The following PIP4P1 variants were observed in gnomAD, a reference collection of about 807,000 sequenced individuals.
PIP4P1 encodes the protein type 1 phosphatidylinositol 4,5-bisphosphate 4-phosphatase.
A neutral mutation model predicts 32.3 loss-of-function variants in PIP4P1; 14 were observed. That is an observed-to-expected ratio of 0.43 (90% CI 0.29 to 0.68). The LOEUF (loss-of-function observed/expected upper bound fraction) is 0.68, where lower values mean the gene tolerates loss of function less well. Ranked by LOEUF, PIP4P1 falls within the 30% of genes least tolerant of loss-of-function variation. The pLI, the probability that PIP4P1 is intolerant of heterozygous loss-of-function variation, is 0.15. For missense variants in PIP4P1, 289 were observed against 364.5 expected (o/e 0.79, Z 1.69); for synonymous variants, 132 against 137.9 (o/e 0.96, Z 0.30).
chr14:20,458,431 A>G lies in PIP4P1; in HGVS notation c.*128T>C. 1 of 1,369,388 alleles carries G rather than the reference A, an allele frequency of 7.3e-7. No homozygotes were observed. The highest frequency in any genetic ancestry group is 1.0e-6 in the Non-Finnish European group (1 of 986,302). The allele number at this position is 1,369,388 out of a possible 1,614,324, so 84.8% of individuals were successfully genotyped here. ...GCCTGGTTCCTTCCTACCTCTCCCC[A>G]GGGAAAAGGAAGGCAGCTGCTTGGC... On this transcript the variant is annotated 3_prime_UTR_variant, in exon 7 of 7. Transcript: ENST00000250489.
Position 20,461,300 on chromosome 14 carries a change from G to A in PIP4P1, c.26C>T (p.Pro9Leu). ...ACCGTCGATGGGCTCAGACAGCAGC[G>A]GGGAACGCTCTCCATCTGCCGCCAT... Reference protein sequence around the residue: MAADGERSPLLSEPIDGGA... With the variant: MAADGERSLLLSEPIDGGA... Residue 9 changes from proline to leucine, a missense_variant, in exon 1 of 7, where the codon CCG (proline) becomes CTG (leucine). Transcript: ENST00000250489. 1.5e-6 allele frequency: 2 copies of A among 1,291,356 alleles called. No homozygotes were observed. The highest frequency in any genetic ancestry group is 2.0e-6 in the Non-Finnish European group (2 of 1,018,420). The allele number at this position is 1,291,356 out of a possible 1,614,324, so 80.0% of individuals were successfully genotyped here.
chr14:20,461,200 T>C lies in PIP4P1; in HGVS notation c.126A>G (p.Ala42=). ...CATGTTTACCGGCTCCGTACGGTGG[T>C]GCGGAGGGGGTCAGGCCTCCCCCGG... The part of the protein sequence containing the change: ...AGPGGGLTPS[A]PPYGAAFPPF... Residue 42 remains alanine, a synonymous_variant, in exon 1 of 7, where the codon GCA becomes GCG. Transcript: ENST00000250489. 8.0e-7 allele frequency: 1 copy of C among 1,256,330 alleles called. No individual in the cohort carries two copies. The highest frequency in any genetic ancestry group is 3.1e-5 in the East Asian group (1 of 31,912). The allele number at this position is 1,256,330 out of a possible 1,614,324, so 77.8% of individuals were successfully genotyped here. A position where few individuals can be genotyped will look rare whatever the true frequency, so the allele number is the denominator to read the frequency against.
rs967960316 is a variant in PIP4P1, at chr14:20,457,760, T to C, written c.*799A>G. On this transcript the variant is annotated 3_prime_UTR_variant, in exon 7 of 7. Transcript: ENST00000250489. ...TTATCCACATGAAAATAAAGAGCCA[T>C]AGTTTCAGCCTTGCTGTCTTCGTGT... The C allele has an allele frequency of 5.5e-6, 3 of 548,294 alleles. No homozygotes were observed. The highest frequency in any genetic ancestry group is 3.8e-5 in the African/African-American group (2 of 52,696). The allele number at this position is 548,294 out of a possible 1,614,324, so 34.0% of individuals were successfully genotyped here.
At chr14:20,460,938 G>T in intron 1 of PIP4P1, 93 bp from the exon 2 acceptor site, 1 of 1,403,262 alleles carries the variant, frequency 7.1e-7, no homozygotes, top group Non-Finnish European at 9.4e-7. Context: ...TCAACCCTCT[G>T]ACCAAGCTCG....
At chr14:20,458,902 C>T (rs1023407475) in intron 6 of PIP4P1, 200 bp from the exon 7 acceptor site, 21 of 669,260 alleles carry the variant, frequency 3.1e-5, no homozygotes, top group Non-Finnish European at 4.5e-5. Flanking sequence ...TCCCATCCCA[C>T]ACTGTATCTC....
At chr14:20,460,475 A>C (rs1352677583) in intron 2 of PIP4P1, 177 bp from the exon 3 acceptor site, 5 of 762,896 alleles carry the variant, frequency 6.6e-6, no homozygotes, top group South Asian at 3.7e-5. Context: ...AAGTGAGAGA[A>C]AGTGAACATT....
In PIP4P1 at chr14:20,460,236, G is replaced by A. The variant is rs1041206599; in HGVS notation, c.396C>T (p.Ile132=). The stretch of plus-strand genomic sequence containing the variant: ...CAATCCGTTGGGATGTCACTTTGCA[G>A]ATAAGGAGACAGTTACAGGGGCATC... The part of the protein sequence containing the change: ...YVRCPCNCLL[I]CKVTSQRIAC... Residue 132 remains isoleucine (I), a synonymous_variant, in exon 3 of 7, where the codon ATC becomes ATT. Coordinates refer to ENST00000250489, the MANE Select transcript of PIP4P1 (RefSeq NM_144568.4). The A allele has an allele frequency of 1.2e-6, 2 of 1,614,052 alleles. No homozygotes were observed. Among genetic ancestry groups the A allele is most frequent in the Middle Eastern group, 1.6e-4 (1 of 6,084 alleles).
At chr14:20,459,509 ATGCAGAACATGT>A in intron 4 of PIP4P1, 69 bp from the exon 5 acceptor site, 1 of 1,596,824 alleles carries the variant, frequency 6.3e-7, no homozygotes, top group Non-Finnish European at 8.6e-7. Flanking sequence ...TGGGGTGGGG[ATGCAGAACATGT>A]TCCCATAGGA....
In PIP4P1 at chr14:20,461,411, C is replaced by G. The variant is rs1051111124; in HGVS notation, c.-86G>C. On this transcript the variant is annotated 5_prime_UTR_variant, in exon 1 of 7. Transcript: ENST00000250489. ...CCGCAGCCACCGCCACCGCCGCCAC[C>G]GCCACCGCCGCTACCGGGTCCCCAG... 4 of 1,211,654 alleles carry G rather than the reference C, an allele frequency of 3.3e-6. No individual in the cohort carries two copies. The East Asian group carries it at 9.5e-5, about 29-fold the overall frequency. 75.1% of individuals were successfully genotyped at this position (1,211,654 alleles called of 1,614,324 possible).
chr14:20,461,218 TC>T lies in PIP4P1; in HGVS notation c.107del (p.Gly36GlufsTer3). The T allele has an allele frequency of 1.6e-6, 2 of 1,254,524 alleles. No individual in the cohort carries two copies. 77.7% of individuals were successfully genotyped at this position (1,254,524 alleles called of 1,614,324 possible). A position where few individuals can be genotyped will look rare whatever the true frequency, so the allele number is the denominator to read the frequency against. On this transcript the variant is annotated frameshift_variant, in exon 1 of 7. Coordinates refer to ENST00000250489, the MANE Select transcript of PIP4P1 (RefSeq NM_144568.4). LOFTEE classifies it high-confidence loss of function. ...GPGGSGAGPG[G>X]GLTPSAPPYG... ...ACGGTGGTGCGGAGGGGGTCAGGCCTCCCCCGGGCCCAGCCCCACTCCCGCC... is the reference window on the plus strand; with the variant it reads ...ACGGTGGTGCGGAGGGGGTCAGGCCTCCCCGGGCCCAGCCCCACTCCCGCC...
Position 20,460,237 on chromosome 14 carries a change from A to G in PIP4P1, c.395T>C (p.Ile132Thr). ...AATCCGTTGGGATGTCACTTTGCAG[A>G]TAAGGAGACAGTTACAGGGGCATCG... ...YVRCPCNCLL[I>T]CKVTSQRIAC... The change falls in exon 3 of 7, where the codon ATC becomes ACC. Residue 132 changes from isoleucine (I) to threonine (T), a missense_variant. Transcript: ENST00000250489. The G allele has an allele frequency of 6.2e-7, 1 of 1,614,136 alleles. No individual in the cohort carries two copies. The highest frequency in any genetic ancestry group is 8.5e-7 in the Non-Finnish European group (1 of 1,180,016).
intron 6 of PIP4P1, 124 bp downstream of exon 6, chr14:20,459,082 T>C (rs1408310742): frequency 9.8e-7 from 1 of 1,020,896 alleles, no homozygotes; most frequent in African/African-American, 1.6e-5. Flanking sequence ...CTCATCCATA[T>C]CTTAAAACAA....
At position 20,457,995 on chromosome 14, in the gene PIP4P1, A is replaced by T; in HGVS notation, c.*564T>A. On this transcript the variant is annotated 3_prime_UTR_variant, in exon 7 of 7. Coordinates refer to ENST00000250489, the MANE Select transcript of PIP4P1 (RefSeq NM_144568.4). ...GTCGGGAGGAGGAATTAAGGGAAATACAGGAATAGGGGAACATATCCCACA... is the reference window on the plus strand; with the variant it reads ...GTCGGGAGGAGGAATTAAGGGAAATTCAGGAATAGGGGAACATATCCCACA... 3.2e-6 allele frequency: 1 copy of T among 315,094 alleles called. No homozygotes were observed. The highest frequency in any genetic ancestry group is 6.1e-6 in the Non-Finnish European group (1 of 163,654). The allele number at this position is 315,094 out of a possible 1,614,324, so 19.5% of individuals were successfully genotyped here.
chr14:20,461,034 G>C, intron 1 of PIP4P1, 150 bp downstream of exon 1: 2 of 1,270,760 alleles, frequency 1.6e-6, no homozygotes, highest in Non-Finnish European at 2.0e-6. Flanking sequence ...CGGAGGGAAG[G>C]AAGCCTCGCC....
chr14:20,460,624 AGGGCC>A (rs780550654), intron 2 of PIP4P1, 26 bp downstream of exon 2: 1 of 1,544,926 alleles, frequency 6.5e-7, no homozygotes, highest in Non-Finnish European at 8.9e-7. Context: ...TCCAGGAAAC[AGGGCC>A]CATTTCATAG....
chr14:20,459,919 C>A (rs973055267), intron 3 of PIP4P1, 186 bp from the exon 4 acceptor site: 5 of 623,476 alleles, frequency 8.0e-6, no homozygotes, highest in African/African-American at 3.7e-5. Flanking sequence ...AGAAAGAGCA[C>A]TGTTTAAACT....
chr14:20,460,034 C>T (rs1356074044), intron 3 of PIP4P1, 158 bp downstream of exon 3: 7 of 667,476 alleles, frequency 1.0e-5, no homozygotes, highest in South Asian at 8.6e-5. Flanking sequence ...TATTGAGAAA[C>T]GAGAAAGACA....
In PIP4P1 at chr14:20,458,348, T is replaced by C. The variant is rs1276837848; in HGVS notation, c.*211A>G. On this transcript the variant is annotated 3_prime_UTR_variant, in exon 7 of 7. Transcript: ENST00000250489. Reference sequence around the variant, plus strand: ...TACTTCACCCTAGACACAGCAACCCTTGGAGGAAAGCAGATGGTCAGCAGT... The same window carrying C: ...TACTTCACCCTAGACACAGCAACCCCTGGAGGAAAGCAGATGGTCAGCAGT... 5.1e-5 allele frequency: 38 copies of C among 749,484 alleles called. No individual in the cohort carries two copies. In the East Asian group the frequency reaches 8.0e-4, roughly 16 times the overall value. The allele number at this position is 749,484 out of a possible 1,614,324, so 46.4% of individuals were successfully genotyped here. A position where few individuals can be genotyped will look rare whatever the true frequency, so the allele number is the denominator to read the frequency against.
At chr14:20,460,417 G>A in intron 2 of PIP4P1, 119 bp from the exon 3 acceptor site, 1 of 825,158 alleles carries the variant, frequency 1.2e-6, no homozygotes, top group East Asian at 2.6e-5. Flanking sequence ...AGAAATAAAA[G>A]AAAGACTATA....
Sources: allele counts gnomAD v4.1 joint callset, GRCh38; gene constraint gnomAD v4.1.1; transcripts MANE v1.5; gene names NCBI Gene and HGNC (gene_info 2026-07-23, HGNC 2026-07-21).